UBE4B: variants seen among roughly 807,000 people sequenced by gnomAD.
UBE4B encodes ubiquitination factor E4B.
Under a neutral mutation model 148.1 loss-of-function variants are expected in UBE4B, and 27 were observed. The observed-to-expected ratio is 0.18, with a 90% CI of 0.13 to 0.25. The LOEUF (loss-of-function observed/expected upper bound fraction) is 0.25. UBE4B is among the 10% of genes least tolerant of loss of function. UBE4B has a pLI of 1.00. For synonymous variants in UBE4B, 596 were observed against 619.3 expected, an observed-to-expected ratio of 0.96 and a Z score of 0.56; for missense variants, 1,170 against 1,662.4, an observed-to-expected ratio of 0.70 and a Z score of 5.15.
At chr1:10,133,871 G>A (rs1006954813) in intron 15 of UBE4B, among the ~76,000 whole-genome samples, 1 of 151,492 alleles carries the variant, frequency 6.6e-6, no homozygotes, top group African/African-American at 2.4e-5. Context: ...GCAACATAGG[G>A]AGACCCTGTC....
At chr1:10,102,577 A>AT (rs1645033710) in intron 4 of UBE4B, among the ~76,000 whole-genome samples, 1 of 151,280 alleles carries the variant, frequency 6.6e-6, no homozygotes, top group Non-Finnish European at 1.5e-5. Flanking sequence ...CGCCTGGCTA[A>AT]TTTTTGTATT....
intron 2 of UBE4B, among the ~76,000 whole-genome samples, chr1:10,093,153 T>C (rs2101870137): frequency 6.6e-6 from 1 of 152,336 alleles, no homozygotes; most frequent in African/African-American, 2.4e-5. Context: ...ATAACTTGTT[T>C]TGTAGGGTAG....
At chr1:10,175,373 CG>C (rs1557619540) in intron 25 of UBE4B, among the ~76,000 whole-genome samples, 16 of 152,184 alleles carry the variant, frequency 1.1e-4, no homozygotes, top group Admixed American at 2.6e-4. Flanking sequence ...AAAAAATAGC[CG>C]GGTGCAGTGG....
intron 2 of UBE4B, among the ~76,000 whole-genome samples, chr1:10,089,012 G>A (rs1644805515): frequency 6.6e-6 from 1 of 151,862 alleles, no homozygotes; most frequent in Non-Finnish European, 1.5e-5. Context: ...AGAACAAAAT[G>A]TTTTCTTTTT....
intron 18 of UBE4B, 53 bp downstream of exon 18, chr1:10,145,092 C>T (rs972048486): frequency 4.2e-6 from 6 of 1,443,526 alleles, no homozygotes; most frequent in Non-Finnish European, 4.8e-6. Context: ...TGATAATTTT[C>T]CCAACAGAAT....
intron 2 of UBE4B, among the ~76,000 whole-genome samples, chr1:10,076,231 GCTT>G (rs1644576802): frequency 6.6e-6 from 1 of 150,658 alleles, no homozygotes; most frequent in Non-Finnish European, 1.5e-5. Context: ...CTCAAAAAGT[GCTT>G]CTTTCTTTCT....
At chr1:10,109,231 G>A (rs975603291) in intron 7 of UBE4B, among the ~76,000 whole-genome samples, 7 of 152,102 alleles carry the variant, frequency 4.6e-5, no homozygotes, top group Non-Finnish European at 1.0e-4. Flanking sequence ...ACAGACAAGA[G>A]GGTCAAAATC....
At chr1:10,045,374 T>G (rs1283424526) in intron 1 of UBE4B, among the ~76,000 whole-genome samples, 1 of 152,218 alleles carries the variant, frequency 6.6e-6, no homozygotes, top group Non-Finnish European at 1.5e-5. Flanking sequence ...CAATGCAACC[T>G]TAGGTCAGAG....
intron 11 of UBE4B, 44 bp from the exon 12 acceptor site, chr1:10,129,348 G>T: frequency 6.4e-7 from 1 of 1,568,478 alleles, no homozygotes; most frequent in Non-Finnish European, 8.8e-7. Flanking sequence ...ATGACAGTCA[G>T]TTTAAGATGA....
intron 7 of UBE4B, among the ~76,000 whole-genome samples, chr1:10,108,972 G>A (rs546697200): frequency 1.6e-4 from 24 of 152,206 alleles, no homozygotes; most frequent in South Asian, 6.2e-4. Flanking sequence ...TCTAACAACC[G>A]TATCAGATTG....
chr1:10,092,515 C>T (rs2101868925), intron 2 of UBE4B, among the ~76,000 whole-genome samples: 2 of 133,186 alleles, frequency 1.5e-5, no homozygotes, highest in African/African-American at 5.7e-5. Context: ...AGCCACTGTG[C>T]CTGGCTGAGA....
At position 10,161,121 on chromosome 1, in the gene UBE4B, A is replaced by G. The variant is rs765745050; in HGVS notation, c.3054-21A>G. On this transcript the variant is annotated intron_variant, in intron 22 of 27. Coordinates refer to ENST00000343090, the MANE Select transcript of UBE4B (RefSeq NM_001105562.3). This position sits in a 1 kb window ranked among gnomAD's most constrained non-coding sequence, Gnocchi z 4.1. Reference sequence around the variant, plus strand: ...GCTTCAGGGAGATGTATGACCATGTACAATATAATTGCCTTTCCAGCTCCG... The same window carrying G: ...GCTTCAGGGAGATGTATGACCATGTGCAATATAATTGCCTTTCCAGCTCCG... 6.2e-7 allele frequency: 1 copy of G among 1,613,396 alleles called. No individual in the cohort carries two copies. Among genetic ancestry groups the G allele is most frequent in the Non-Finnish European group, 8.5e-7 (1 of 1,179,566 alleles).
chr1:10,042,685 G>A (rs1432018334), intron 1 of UBE4B, among the ~76,000 whole-genome samples: 1 of 152,136 alleles, frequency 6.6e-6, no homozygotes, highest in East Asian at 1.9e-4. Context: ...GTTCACATAA[G>A]GTGTCATTTG....
intron 7 of UBE4B, among the ~76,000 whole-genome samples, chr1:10,107,581 T>C (rs1005089911): frequency 3.4e-5 from 5 of 149,020 alleles, no homozygotes; most frequent in East Asian, 1.9e-4. Flanking sequence ...TCTTTCTTTT[T>C]TTTTTTTTTT....
chr1:10,036,934 A>C (rs918961462), intron 1 of UBE4B, among the ~76,000 whole-genome samples: 3 of 152,216 alleles, frequency 2.0e-5, no homozygotes, highest in African/African-American at 7.2e-5. Flanking sequence ...ACAGTCCGTG[A>C]AAAAGGCTGG....
chr1:10,178,273 G>A (rs920645717), intron 25 of UBE4B, among the ~76,000 whole-genome samples: 9 of 151,790 alleles, frequency 5.9e-5, no homozygotes, highest in African/African-American at 2.2e-4. Flanking sequence ...GCCCCCCAAG[G>A]ACTGAAATAG....
intron 7 of UBE4B, chr1:10,107,285 AGAT>A: frequency 3.9e-6 from 5 of 1,289,602 alleles, no homozygotes; most frequent in Non-Finnish European, 5.1e-6. Flanking sequence ...GTGATGAAGA[AGAT>A]GAAGAAGAAG....
At chr1:10,148,205 T>C (rs1172757057) in intron 19 of UBE4B, among the ~76,000 whole-genome samples, 1 of 150,010 alleles carries the variant, frequency 6.7e-6, no homozygotes, top group Admixed American at 6.7e-5. Flanking sequence ...CCAGCCTGGG[T>C]GACGAGCAAG....
At position 10,130,045 on chromosome 1, in the gene UBE4B, T is replaced by C. The variant is rs552195278; in HGVS notation, c.1696-455T>C. ...CTTTGGTGGTATAAGAAGAGTTCAT[T>C]TGAACTTCATCCAATAGTATCCTGA... On this transcript the variant is annotated intron_variant, in intron 12 of 27. Transcript: ENST00000343090. Among the ~76,000 whole-genome samples the C allele has an allele frequency of 1.3e-3, 199 of 152,132 alleles. 1 individual carries two copies. In the Middle Eastern group the frequency reaches 0.034, roughly 26 times the overall value.
Sources: allele counts gnomAD v4.1 joint callset (sites outside exome capture counted in the v4.1 genomes callset), GRCh38; gene constraint gnomAD v4.1.1; non-coding constraint Gnocchi (gnomAD v3.1); transcripts MANE v1.5; gene names NCBI Gene and HGNC (gene_info 2026-07-23, HGNC 2026-07-21).